The following PCDH9 variants were observed in gnomAD, a reference collection of about 807,000 sequenced individuals.
PCDH9 encodes the protein protocadherin-9.
PCDH9 carries 24 observed loss-of-function variants against 70.6 expected under a neutral mutation model. The observed-to-expected ratio is 0.34, with a 90% CI of 0.25 to 0.48. PCDH9 has a LOEUF of 0.48. PCDH9 is among the 20% of genes least tolerant of loss of function. The pLI is 0.99. For synonymous variants in PCDH9, 562 were observed against 558.5 expected (o/e 1.01, Z -0.09); for missense variants, 1,281 against 1,503.6 (o/e 0.85, Z 2.45).
intron 2 of PCDH9, among the ~76,000 whole-genome samples, chr13:66,930,009 C>T (rs188315271): frequency 6.6e-6 from 1 of 152,218 alleles, no homozygotes; most frequent in African/African-American, 2.4e-5. Context: ...TTTATCTCTG[C>T]CTTCTGATTA....
chr13:66,702,951 C>A (rs1007594573), intron 3 of PCDH9, among the ~76,000 whole-genome samples: 15 of 152,038 alleles, frequency 9.9e-5, no homozygotes, highest in African/African-American at 2.9e-4. Flanking sequence ...TTTTGAAACA[C>A]AAAATGCCAA....
At chr13:67,204,553 C>T (rs905393233) in intron 2 of PCDH9, 1 of 152,126 alleles carries the variant, frequency 6.6e-6, no homozygotes, top group Non-Finnish European at 1.5e-5. Context: ...TGCTGAAAAG[C>T]TTCTGCTTTC....
chr13:66,890,048 G>A (rs1172720077), intron 3 of PCDH9, among the ~76,000 whole-genome samples: 1 of 152,062 alleles, frequency 6.6e-6, no homozygotes, highest in Non-Finnish European at 1.5e-5. Context: ...CTATAGCAAC[G>A]ATGGTCTCTG....
intron 3 of PCDH9, among the ~76,000 whole-genome samples, chr13:66,811,900 T>G (rs1254752203): frequency 3.3e-5 from 5 of 152,006 alleles, no homozygotes; most frequent in African/African-American, 1.2e-4. Context: ...TAGTAAAGTA[T>G]AATTAAATAT....
At chr13:66,910,796 T>G (rs780695516) in intron 2 of PCDH9, among the ~76,000 whole-genome samples, 2 of 152,328 alleles carry the variant, frequency 1.3e-5, no homozygotes, top group Non-Finnish European at 2.9e-5. Flanking sequence ...TCCTAGCCTT[T>G]TATTGCGTAA....
intron 4 of PCDH9, among the ~76,000 whole-genome samples, chr13:66,476,124 T>C (rs1343821757): frequency 6.6e-6 from 1 of 152,070 alleles, no homozygotes; most frequent in Non-Finnish European, 1.5e-5. Context: ...ACAAATGCCC[T>C]AGAATCATAC....
At chr13:66,958,221 C>T (rs2083292983) in intron 2 of PCDH9, among the ~76,000 whole-genome samples, 1 of 152,140 alleles carries the variant, frequency 6.6e-6, no homozygotes, top group Non-Finnish European at 1.5e-5. Context: ...AGCTAATAAT[C>T]AAGAGGATAA....
intron 2 of PCDH9, among the ~76,000 whole-genome samples, chr13:67,137,668 T>C (rs947997157): frequency 2.0e-5 from 3 of 152,156 alleles, no homozygotes; most frequent in African/African-American, 7.2e-5. Context: ...GAGGTAGTGC[T>C]ATTGTTACAG....
chr13:67,159,131 C>G (rs981802238), intron 2 of PCDH9, among the ~76,000 whole-genome samples: 2 of 152,064 alleles, frequency 1.3e-5, no homozygotes, highest in African/African-American at 4.8e-5. Context: ...TCTTTGAGAT[C>G]CTGCAACTGG....
chr13:67,035,872 CTTGG>C (rs2084999270), intron 2 of PCDH9, among the ~76,000 whole-genome samples: 1 of 152,044 alleles, frequency 6.6e-6, no homozygotes, highest in Admixed American at 6.6e-5. Flanking sequence ...AATATTTGTC[CTTGG>C]TTGATCTTCA....
chr13:66,304,920 G>A lies in PCDH9; in HGVS notation c.3449C>T (p.Pro1150Leu), dbSNP rs1413351065. The A allele has an allele frequency of 1.9e-6, 3 of 1,613,520 alleles. No individual in the cohort carries two copies. Among genetic ancestry groups the A allele is most frequent in the African/African-American group, 2.7e-5 (2 of 74,920 alleles). The change falls in exon 5 of 5, where the codon CCA becomes CTA. Residue 1150 changes from proline (P) to leucine (L), a missense_variant. Physicochemically the swap from Pro to Leu is moderately conservative, Grantham distance 98. Coordinates refer to ENST00000377865, the MANE Select transcript of PCDH9 (RefSeq NM_203487.3). ...GAGAGGAGATTTGGGGTGTTGATAT[G>A]GACCCAAGCCAGGAGGCATCCAGCA... ...DNCWMPPGLGPYQHPKSPLST... is the reference protein window; with the variant it reads ...DNCWMPPGLGLYQHPKSPLST...
intron 4 of PCDH9, among the ~76,000 whole-genome samples, chr13:66,518,404 C>T (rs1959840248): frequency 6.6e-6 from 1 of 151,980 alleles, no homozygotes; most frequent in African/African-American, 2.4e-5. Context: ...CCCTATTTTC[C>T]TGAATCATCA....
chr13:66,755,040 G>T (rs570190610), intron 3 of PCDH9, among the ~76,000 whole-genome samples: 8 of 152,176 alleles, frequency 5.3e-5, no homozygotes, highest in African/African-American at 1.9e-4. Context: ...GCACTTTGGG[G>T]ATATTTACTT....
chr13:67,188,938 T>G (rs1433035203), intron 2 of PCDH9, among the ~76,000 whole-genome samples: 1 of 151,912 alleles, frequency 6.6e-6, no homozygotes, highest in Middle Eastern at 3.2e-3. Context: ...CTCACCCACT[T>G]CCCACCACCC....
chr13:66,355,715 A>G (rs1211732998), intron 4 of PCDH9, among the ~76,000 whole-genome samples: 1 of 152,152 alleles, frequency 6.6e-6, no homozygotes, highest in Non-Finnish European at 1.5e-5. Context: ...AAGGTTATGT[A>G]TTGATTGTTT....
In PCDH9 at chr13:67,227,551, G is replaced by T. The variant is rs767631721; in HGVS notation, c.890C>A (p.Pro297His). 6.2e-7 allele frequency: 1 copy of T among 1,613,734 alleles called. No individual in the cohort carries two copies. Among genetic ancestry groups the T allele is most frequent in the South Asian group, 1.1e-5 (1 of 91,058 alleles). ...TAAAGCAAAGAGTCTTTTGGTTGCA[G>T]GGGCGACCTGGGCACCAAAAATGTA... is the stretch of plus-strand genomic sequence containing the variant. Reference protein sequence around the residue: ...IRYIFGAQVAPATKRLFALNN... With the variant: ...IRYIFGAQVAHATKRLFALNN... Residue 297 changes from proline to histidine, a missense_variant, in exon 2 of 5, where the codon CCT (proline) becomes CAT (histidine). Around this residue, in one of 4 missense-constraint regions of PCDH9, gnomAD observed 798 missense variants for 1,003.1 expected, o/e 0.80. Coordinates refer to ENST00000377865, the MANE Select transcript of PCDH9 (RefSeq NM_203487.3). The surrounding 1 kb of genome is among the most constrained non-coding windows in gnomAD (Gnocchi z 4.6).
intron 3 of PCDH9, among the ~76,000 whole-genome samples, chr13:66,738,857 A>T (rs1290622143): frequency 6.6e-6 from 1 of 151,150 alleles, no homozygotes; most frequent in Non-Finnish European, 1.5e-5. Flanking sequence ...GACCAAATCT[A>T]CGTCTGATTG....
chr13:66,853,964 A>G (rs2081355103), intron 3 of PCDH9, among the ~76,000 whole-genome samples: 1 of 152,222 alleles, frequency 6.6e-6, no homozygotes, highest in Non-Finnish European at 1.5e-5. Flanking sequence ...CTCACAAAAT[A>G]TACAAAGAGG....
At chr13:67,185,825 C>T (rs184553154) in intron 2 of PCDH9, among the ~76,000 whole-genome samples, 33 of 152,268 alleles carry the variant, frequency 2.2e-4, no homozygotes, top group Admixed American at 4.6e-4. Context: ...CTCCGCCTCC[C>T]GGATTCAAGC....
Sources: allele counts gnomAD v4.1 joint callset (sites outside exome capture counted in the v4.1 genomes callset), GRCh38; gene constraint gnomAD v4.1.1; regional missense constraint gnomAD v4.1.1; non-coding constraint Gnocchi (gnomAD v3.1); transcripts MANE v1.5; gene names NCBI Gene and HGNC (gene_info 2026-07-23, HGNC 2026-07-21).